Variants in FGF10 observed in about 807,000 individuals in gnomAD.
FGF10 encodes the protein FGF-10.
In FGF10, 2 loss-of-function variants were observed where a neutral mutation model predicts 19.8. That is an observed-to-expected ratio of 0.10 (90% confidence interval 0.04 to 0.32). The LOEUF is 0.32. Among genes scored for constraint, FGF10 ranks in the 10% least tolerant of loss-of-function variants. FGF10 has a pLI of 1.00. For synonymous variants in FGF10, 112 were observed against 94.0 expected, an observed-to-expected ratio of 1.19 and a Z score of -1.10; for missense variants, 191 against 246.3, an observed-to-expected ratio of 0.78 and a Z score of 1.50.
chr5:44,383,288 G>A (rs1014366812), intron 1 of FGF10, among the ~76,000 whole-genome samples: 1 of 152,052 alleles, frequency 6.6e-6, no homozygotes, highest in Admixed American at 6.6e-5. Context: ...CTAAAGAAAT[G>A]CACTGGAATA....
Position 44,304,886 on chromosome 5 carries a change from A to T in FGF10, c.*109T>A. 1 of 1,090,210 alleles carries T rather than the reference A, an allele frequency of 9.2e-7. No individual in the cohort carries two copies. The highest frequency in any genetic ancestry group is 1.4e-6 in the Non-Finnish European group (1 of 709,028). 67.5% of individuals were successfully genotyped at this position (1,090,210 alleles called of 1,614,324 possible). A position where few individuals can be genotyped will look rare whatever the true frequency, so the allele number is the denominator to read the frequency against. ...GGCTGGCTTTCTTTTAAGCAAGCAGACATCTGCAACGTGTCTTTGCCTTTC... is the reference window on the plus strand; with the variant it reads ...GGCTGGCTTTCTTTTAAGCAAGCAGTCATCTGCAACGTGTCTTTGCCTTTC... On this transcript the variant is annotated 3_prime_UTR_variant, in exon 3 of 3. Transcript: ENST00000264664.
Position 44,300,742 on chromosome 5 carries a change from A to G in FGF10, c.*4253T>C, listed in dbSNP as rs1739951144. ...TCTCCTTGGTGTACTCTTCTTCACTAGTTGCGGTTGTGTGGGCTGCCAAAA... is the reference window on the plus strand; with the variant it reads ...TCTCCTTGGTGTACTCTTCTTCACTGGTTGCGGTTGTGTGGGCTGCCAAAA... On this transcript the variant is annotated 3_prime_UTR_variant, in exon 3 of 3. Transcript: ENST00000264664. 6.6e-6 allele frequency among the ~76,000 whole-genome samples: 1 copy of G among 151,686 alleles called. No homozygotes were observed. Among genetic ancestry groups the G allele is most frequent in the East Asian group, 1.9e-4 (1 of 5,164 alleles).
At position 44,369,452 on chromosome 5, in the gene FGF10, G is replaced by A. The variant is rs1057470727; in HGVS notation, c.325+18906C>T. 3.9e-5 allele frequency among the ~76,000 whole-genome samples: 6 copies of A among 152,162 alleles called. No homozygotes were observed. The East Asian group carries it at 7.8e-4, about 20-fold the overall frequency. On this transcript the variant is annotated intron_variant, in intron 1 of 2. Transcript: ENST00000264664. ...CACTCTTGGGGTTAGACGCACATACGCATAAATTCCTGTGGCTTAAAAAAG... is the reference window on the plus strand; with the variant it reads ...CACTCTTGGGGTTAGACGCACATACACATAAATTCCTGTGGCTTAAAAAAG...
intron 1 of FGF10, among the ~76,000 whole-genome samples, chr5:44,331,991 A>C (rs956305979): frequency 1.3e-5 from 2 of 151,976 alleles, no homozygotes; most frequent in African/African-American, 2.4e-5. Flanking sequence ...GGAAAAAAAA[A>C]ACCTACCAAT....
chr5:44,301,728 T>G lies in FGF10; in HGVS notation c.*3267A>C, dbSNP rs1274548517. Among the ~76,000 whole-genome samples the G allele has an allele frequency of 6.6e-6, 1 of 152,134 alleles. No homozygotes were observed. Among genetic ancestry groups the G allele is most frequent in the African/African-American group, 2.4e-5 (1 of 41,430 alleles). On this transcript the variant is annotated 3_prime_UTR_variant, in exon 3 of 3. Coordinates refer to ENST00000264664, the MANE Select transcript of FGF10 (RefSeq NM_004465.2). ...GAAAACTTACAAATGTTTGAGTAAT[T>G]TTTTTTTCTGTTGTTGTTGTTTGGG...
chr5:44,341,347 A>C (rs945302980), intron 1 of FGF10, among the ~76,000 whole-genome samples: 15 of 151,928 alleles, frequency 9.9e-5, no homozygotes, highest in Non-Finnish European at 1.9e-4. Context: ...AATGTAAAAA[A>C]ACTACACCAC....
intron 1 of FGF10, among the ~76,000 whole-genome samples, chr5:44,325,484 G>C (rs13178118): frequency 5.3e-5 from 8 of 152,050 alleles, no homozygotes; most frequent in South Asian, 2.1e-4. Flanking sequence ...TGGAACCAAC[G>C]CAAATGTCCA....
intron 1 of FGF10, among the ~76,000 whole-genome samples, chr5:44,370,976 T>G (rs1741729330): frequency 6.6e-6 from 1 of 152,124 alleles, no homozygotes; most frequent in Non-Finnish European, 1.5e-5. Flanking sequence ...AATGTCAACA[T>G]AAATGTTGAA....
intron 1 of FGF10, among the ~76,000 whole-genome samples, chr5:44,383,287 T>C (rs1286587278): frequency 1.3e-5 from 2 of 151,950 alleles, no homozygotes; most frequent in Non-Finnish European, 2.9e-5. Flanking sequence ...TCTAAAGAAA[T>C]GCACTGGAAT....
chr5:44,376,144 T>A (rs1741850637), intron 1 of FGF10, among the ~76,000 whole-genome samples: 2 of 152,084 alleles, frequency 1.3e-5, no homozygotes, highest in Non-Finnish European at 2.9e-5. Context: ...ACTTTACATT[T>A]ATAGTATCAT....
intron 1 of FGF10, among the ~76,000 whole-genome samples, chr5:44,350,625 C>T (rs1448038): frequency 0.66 from 99,530 of 150,480 alleles, 33,078 homozygotes; most frequent in Middle Eastern, 0.71. Flanking sequence ...ACATATATGT[C>T]CTTAAGTTTT....
chr5:44,300,530 A>G lies in FGF10; in HGVS notation c.*4465T>C, dbSNP rs920684770. On this transcript the variant is annotated 3_prime_UTR_variant, in exon 3 of 3. Coordinates refer to ENST00000264664, the MANE Select transcript of FGF10 (RefSeq NM_004465.2). ...CTTAAAACAAAACAATGCAAATGTA[A>G]TCTTTCAATGGTAAAGAACATATGA... Among the ~76,000 whole-genome samples the G allele has an allele frequency of 1.3e-5, 2 of 152,208 alleles. No homozygotes were observed. Among genetic ancestry groups the G allele is most frequent in the Non-Finnish European group, 2.9e-5 (2 of 68,034 alleles).
intron 2 of FGF10, among the ~76,000 whole-genome samples, chr5:44,309,198 C>CA (rs1412218189): frequency 6.6e-6 from 1 of 152,012 alleles, no homozygotes; most frequent in Admixed American, 6.6e-5. Context: ...ACATGTCCTC[C>CA]AAAAAATTAA....
intron 1 of FGF10, among the ~76,000 whole-genome samples, chr5:44,368,559 C>CTA (rs1741671485): frequency 6.6e-6 from 1 of 152,082 alleles, no homozygotes; most frequent in African/African-American, 2.4e-5. Flanking sequence ...TCAGCTGAAA[C>CTA]TATAGGTCAA....
chr5:44,382,832 G>A lies in FGF10; in HGVS notation c.325+5526C>T, dbSNP rs561806389. ...TAAAATAGATTTATAATTTCTGGAA[G>A]GAAAATTCTAATATTTTACTTATAT... On this transcript the variant is annotated intron_variant, in intron 1 of 2. Transcript: ENST00000264664. 8.6e-5 allele frequency among the ~76,000 whole-genome samples: 13 copies of A among 151,980 alleles called. No homozygotes were observed. The South Asian group carries it at 2.7e-3, about 32-fold the overall frequency.
intron 1 of FGF10, among the ~76,000 whole-genome samples, chr5:44,316,628 C>T (rs566965167): frequency 7.9e-5 from 12 of 152,204 alleles, no homozygotes; most frequent in South Asian, 6.2e-4. Context: ...ATTGACAGAA[C>T]GTGTGCATAG....
chr5:44,322,618 A>G (rs1410408627), intron 1 of FGF10, among the ~76,000 whole-genome samples: 4 of 152,196 alleles, frequency 2.6e-5, no homozygotes, highest in African/African-American at 9.7e-5. Flanking sequence ...GACAACTTCA[A>G]ATCTCCATAT....
intron 1 of FGF10, among the ~76,000 whole-genome samples, chr5:44,320,446 T>C (rs1740459419): frequency 6.6e-6 from 1 of 152,168 alleles, no homozygotes; most frequent in Non-Finnish European, 1.5e-5. Context: ...GAGTGCTTCT[T>C]TGAAGGAGGG....
At chr5:44,371,008 T>G (rs966605667) in intron 1 of FGF10, among the ~76,000 whole-genome samples, 1 of 152,094 alleles carries the variant, frequency 6.6e-6, no homozygotes, top group Non-Finnish European at 1.5e-5. Context: ...AATGTACCAG[T>G]TACTGAAATT....
Sources: gnomAD v4.1 joint callset for allele counts (sites outside exome capture counted in the v4.1 genomes callset) on GRCh38, gnomAD v4.1.1 for gene constraint, MANE v1.5 for transcripts, NCBI Gene and HGNC (gene_info 2026-07-23, HGNC 2026-07-21) for gene names.